LIFR: variants seen among roughly 807,000 people sequenced by gnomAD.
The protein encoded by LIFR is leukemia inhibitory factor receptor.
Under a neutral mutation model 122.2 loss-of-function variants are expected in LIFR, and 84 were observed. The observed-to-expected ratio is 0.69, with a 90% CI of 0.58 to 0.82. The LOEUF (loss-of-function observed/expected upper bound fraction) is 0.82, where lower values mean the gene tolerates loss of function less well. Ranked by LOEUF, LIFR falls within the 40% of genes least tolerant of loss-of-function variation. The pLI, the probability that LIFR is intolerant of heterozygous loss-of-function variation, is 0.00. For synonymous variants in LIFR, 422 were observed against 434.7 expected (o/e 0.97, Z 0.36); for missense variants, 1,294 against 1,311.6 (o/e 0.99, Z 0.21).
rs1296406859 is a variant in LIFR, at chr5:38,482,129, T to C, written c.2760A>G (p.Ile920Met). The C allele has an allele frequency of 1.3e-6, 2 of 1,584,362 alleles. No homozygotes were observed. The highest frequency in any genetic ancestry group is 1.2e-5 in the South Asian group (1 of 84,742). ...CTGGGGAAATTATTTCTGTATCTTC[T>C]ATTTTAGGAAATGCTGATCGAGTTT... Reference protein sequence around the residue: ...VLETRSAFPKIEDTEIISPVA... With the variant: ...VLETRSAFPKMEDTEIISPVA... The change falls in exon 20 of 20, where the codon ATA (isoleucine) becomes ATG (methionine). Residue 920 changes from isoleucine (I) to methionine (M), a missense_variant. Coordinates refer to ENST00000453190, the MANE Select transcript of LIFR (RefSeq NM_001127671.2).
rs1202406349 is a variant in LIFR at position 38,511,886 on chromosome 5, C to T, written c.640G>A (p.Ala214Thr). The T allele has an allele frequency of 6.2e-7, 1 of 1,614,028 alleles. No homozygotes were observed. Among genetic ancestry groups the T allele is most frequent in the Non-Finnish European group, 8.5e-7 (1 of 1,179,942 alleles). ...SWASDMPLECAIHFVEIRCYI... is the reference protein window; with the variant it reads ...SWASDMPLECTIHFVEIRCYI... Reference sequence around the variant, plus strand: ...CATCTAATTTCCACAAAATGAATGGCACATTCCAAGGGCATATCTGAGGCC... The same window carrying T: ...CATCTAATTTCCACAAAATGAATGGTACATTCCAAGGGCATATCTGAGGCC... Residue 214 changes from alanine (A) to threonine (T), a missense_variant, in exon 6 of 20, where the codon GCC becomes ACC. Ala to Thr is a moderately conservative substitution (Grantham distance 58). Coordinates refer to ENST00000453190, the MANE Select transcript of LIFR (RefSeq NM_001127671.2).
chr5:38,538,854 T>C (rs1003414477), intron 1 of LIFR, among the ~76,000 whole-genome samples: 3 of 152,234 alleles, frequency 2.0e-5, no homozygotes, highest in African/African-American at 4.8e-5. Context: ...ATCAGAAGGC[T>C]GGCCCACCAA....
At chr5:38,546,797 G>C (rs1043460603) in intron 1 of LIFR, among the ~76,000 whole-genome samples, 2 of 152,202 alleles carry the variant, frequency 1.3e-5, no homozygotes, top group Non-Finnish European at 2.9e-5. Context: ...GTAAGCATTT[G>C]AGTTTTTGAT....
chr5:38,489,249 T>C lies in LIFR; in HGVS notation c.2168-4A>G. The C allele has an allele frequency of 1.2e-6, 2 of 1,610,798 alleles. No individual in the cohort carries two copies. The highest frequency in any genetic ancestry group is 1.7e-6 in the Non-Finnish European group (2 of 1,178,286). On this transcript the variant is annotated splice_region_variant and splice_polypyrimidine_tract_variant and intron_variant, in intron 15 of 19. Coordinates refer to ENST00000453190, the MANE Select transcript of LIFR (RefSeq NM_001127671.2). Reference sequence around the variant, plus strand: ...AAATTTGGTGCAACAATGGGAGCTGTAAAAGGAAAAAGTCAATTGCTAAAG... The same window carrying C: ...AAATTTGGTGCAACAATGGGAGCTGCAAAAGGAAAAAGTCAATTGCTAAAG...
intron 13 of LIFR, among the ~76,000 whole-genome samples, chr5:38,496,091 T>C (rs1031473691): frequency 6.6e-6 from 1 of 152,062 alleles, no homozygotes; most frequent in East Asian, 1.9e-4. Context: ...TTGAATAAAC[T>C]CTTAAAATAT....
At position 38,481,445 on chromosome 5, in the gene LIFR, A is replaced by G. The variant is rs1743978214; in HGVS notation, c.*150T>C. 1.1e-6 allele frequency: 1 copy of G among 890,562 alleles called. No individual in the cohort carries two copies. The highest frequency in any genetic ancestry group is 1.9e-5 in the Admixed American group (1 of 53,282). 55.2% of individuals were successfully genotyped at this position (890,562 alleles called of 1,614,324 possible). A position where few individuals can be genotyped will look rare whatever the true frequency, so the allele number is the denominator to read the frequency against. On this transcript the variant is annotated 3_prime_UTR_variant, in exon 20 of 20. Transcript: ENST00000453190. ...GGCTTTTAGACTACATTAAAAGCAC[A>G]TGAACACTTTCAGTGTAACTTAACA...
chr5:38,518,086 C>G (rs566412822), intron 5 of LIFR, among the ~76,000 whole-genome samples: 1 of 151,578 alleles, frequency 6.6e-6, no homozygotes, highest in East Asian at 1.9e-4. Flanking sequence ...TGTACTCCAG[C>G]CAAGTTGACA....
At chr5:38,533,579 A>G (rs2112581989) in intron 1 of LIFR, among the ~76,000 whole-genome samples, 1 of 152,358 alleles carries the variant, frequency 6.6e-6, no homozygotes, top group Middle Eastern at 3.4e-3. Flanking sequence ...TCTGCCGAAG[A>G]AAATTAGAAA....
intron 9 of LIFR, 81 bp downstream of exon 9, chr5:38,505,820 AAAGT>A: frequency 1.4e-6 from 1 of 726,746 alleles, no homozygotes; most frequent in Non-Finnish European, 2.1e-6. Flanking sequence ...TAATCAGCAA[AAAGT>A]AATCCCTATA....
rs1324812982 is a variant in LIFR at position 38,477,357 on chromosome 5, T to G, written c.*4238A>C. 1 of 214,316 alleles carries G rather than the reference T, an allele frequency of 4.7e-6. No individual in the cohort carries two copies. The highest frequency in any genetic ancestry group is 9.4e-6 in the Non-Finnish European group (1 of 106,254). 13.3% of individuals were successfully genotyped at this position (214,316 alleles called of 1,614,324 possible). ...ATCATTTTCTTCTATGAAAATTTTC[T>G]TCTAGAATAAATAAGATGGGCATGA... On this transcript the variant is annotated 3_prime_UTR_variant, in exon 20 of 20. Coordinates refer to ENST00000453190, the MANE Select transcript of LIFR (RefSeq NM_001127671.2).
At chr5:38,575,108 G>C (rs1030623454) in intron 1 of LIFR, among the ~76,000 whole-genome samples, 1 of 152,170 alleles carries the variant, frequency 6.6e-6, no homozygotes, top group African/African-American at 2.4e-5. Context: ...TTATATAACA[G>C]CAAAAATAAA....
intron 1 of LIFR, among the ~76,000 whole-genome samples, chr5:38,564,363 C>T (rs1748936147): frequency 6.6e-6 from 1 of 151,942 alleles, no homozygotes; most frequent in South Asian, 2.1e-4. Flanking sequence ...GCTGGGACTA[C>T]AGACACACCA....
intron 18 of LIFR, 115 bp downstream of exon 18, chr5:38,484,660 T>A (rs1313392663): frequency 1.4e-6 from 1 of 719,526 alleles, no homozygotes; most frequent in African/African-American, 1.8e-5. Flanking sequence ...AAACATTTTT[T>A]AACTAACTTA....
chr5:38,507,238 T>A (rs907977821), intron 7 of LIFR, among the ~76,000 whole-genome samples: 9 of 141,220 alleles, frequency 6.4e-5, no homozygotes, highest in South Asian at 2.2e-4. Flanking sequence ...TTAAAAGAAA[T>A]TTTTTTTTTT....
upstream of LIFR, among the ~76,000 whole-genome samples, chr5:38,559,821 G>A (rs958031099): frequency 2.6e-5 from 4 of 152,160 alleles, no homozygotes; most frequent in African/African-American, 9.7e-5. Flanking sequence ...TGTGCTAAAC[G>A]TCTGTGATCT....
At chr5:38,523,339 T>C (rs1746500669) in intron 5 of LIFR, 80 bp downstream of exon 5, 5 of 1,148,870 alleles carry the variant, frequency 4.4e-6, no homozygotes, top group Non-Finnish European at 6.3e-6. Context: ...AAAAGTTCAC[T>C]GATACCACCT....
At position 38,493,753 on chromosome 5, in the gene LIFR, C is replaced by G; in HGVS notation, c.1918G>C (p.Gly640Arg). The G allele has an allele frequency of 6.2e-7, 1 of 1,614,020 alleles. No individual in the cohort carries two copies. The highest frequency in any genetic ancestry group is 8.5e-7 in the Non-Finnish European group (1 of 1,179,972). ...DLKIEQVVGM[G>R]KGILLTWHYD... Reference sequence around the variant, plus strand: ...TGCCAGGTGAGGAGAATCCCCTTTCCCATCCCAACAACTTGTTCTATTTTG... The same window carrying G: ...TGCCAGGTGAGGAGAATCCCCTTTCGCATCCCAACAACTTGTTCTATTTTG... The change falls in exon 14 of 20, where the codon GGA (glycine) becomes CGA (arginine). Residue 640 changes from glycine to arginine, a missense_variant. By Grantham distance (125) the Gly-to-Arg change is moderately radical. Transcript: ENST00000453190.
rs2112340488 is a variant in LIFR at position 38,478,527 on chromosome 5, T to G, written c.*3068A>C. ...ATTGATGACCTAGATTGCATACATG[T>G]GCTAATCTATGCAATATATGATTCA... On this transcript the variant is annotated 3_prime_UTR_variant, in exon 20 of 20. Transcript: ENST00000453190. The G allele has an allele frequency of 5.0e-6, 1 of 199,636 alleles. No homozygotes were observed. The highest frequency in any genetic ancestry group is 7.7e-5 in the East Asian group (1 of 12,924). 12.4% of individuals were successfully genotyped at this position (199,636 alleles called of 1,614,324 possible).
At chr5:38,580,230 A>G (rs774643546) in intron 1 of LIFR, among the ~76,000 whole-genome samples, 7 of 152,142 alleles carry the variant, frequency 4.6e-5, no homozygotes, top group Non-Finnish European at 7.4e-5. Flanking sequence ...ATAAGGTGCA[A>G]TGTGATTTAT....
Sources: allele counts gnomAD v4.1 joint callset (sites outside exome capture counted in the v4.1 genomes callset), GRCh38; gene constraint gnomAD v4.1.1; transcripts MANE v1.5; gene names NCBI Gene and HGNC (gene_info 2026-07-23, HGNC 2026-07-21).